Variants in THNSL1 observed in about 807,000 individuals in gnomAD.
THNSL1 encodes threonine synthase-like 1.
THNSL1 carries 48 observed loss-of-function variants against 50.4 expected under a neutral mutation model. That is an observed-to-expected ratio of 0.95 (90% CI 0.76 to 1.21). The LOEUF (loss-of-function observed/expected upper bound fraction) is 1.21, where lower values mean the gene tolerates loss of function less well. Ranked by LOEUF, THNSL1 falls within the 50% of genes most tolerant of loss-of-function variation. THNSL1 has a pLI of 0.00. For synonymous variants in THNSL1, 309 were observed against 306.1 expected (o/e 1.01, Z -0.10); for missense variants, 896 against 871.7 (o/e 1.03, Z -0.35).
chr10:24,997,781 C>CT, the THNSL1 span, among the ~76,000 whole-genome samples: 746 of 147,830 alleles, frequency 5.0e-3, 6 homozygotes, highest in African/African-American at 0.018. Flanking sequence ...AGGCTTCTTC[C>CT]TTTTTTCTTA....
chr10:25,014,963 A>G (rs757720633), upstream of THNSL1, among the ~76,000 whole-genome samples: 7 of 152,234 alleles, frequency 4.6e-5, no homozygotes, highest in Non-Finnish European at 8.8e-5. Flanking sequence ...ATGAAACTTT[A>G]TTCTAAAGTT....
At chr10:25,003,177 A>ATTTATTT in the THNSL1 span, among the ~76,000 whole-genome samples, 5 of 145,164 alleles carry the variant, frequency 3.4e-5, no homozygotes, top group African/African-American at 9.9e-5. Flanking sequence ...TTAATTAATT[A>ATTTATTT]ATTAATTTAT....
the THNSL1 span, among the ~76,000 whole-genome samples, chr10:24,969,694 A>T: frequency 1.3e-5 from 2 of 152,350 alleles, no homozygotes; most frequent in East Asian, 3.9e-4. Flanking sequence ...GATGAATTTT[A>T]TCACGTGGAA....
At chr10:25,020,408 C>G (rs1321043240) in intron 1 of THNSL1, among the ~76,000 whole-genome samples, 1 of 151,956 alleles carries the variant, frequency 6.6e-6, no homozygotes, top group African/African-American at 2.4e-5. Context: ...TGTTTCCTTA[C>G]AATCTACTTT....
chr10:25,001,244 A>T, the THNSL1 span, among the ~76,000 whole-genome samples: 1 of 151,934 alleles, frequency 6.6e-6, no homozygotes, highest in Non-Finnish European at 1.5e-5. Context: ...TCGTTTCTAA[A>T]GATAAATTTA....
chr10:24,968,187 T>G, the THNSL1 span, among the ~76,000 whole-genome samples: 1 of 152,138 alleles, frequency 6.6e-6, no homozygotes, highest in South Asian at 2.1e-4. Context: ...TACTTTTGAT[T>G]CTAATATAGG....
the THNSL1 span, among the ~76,000 whole-genome samples, chr10:24,965,960 A>G: frequency 6.6e-6 from 1 of 152,260 alleles, no homozygotes; most frequent in African/African-American, 2.4e-5. Flanking sequence ...TTCTTTAGTT[A>G]AATGATTTCT....
the THNSL1 span, chr10:24,999,687 C>T: frequency 1.3e-6 from 1 of 786,274 alleles, no homozygotes; most frequent in South Asian, 1.9e-5. Context: ...ACATACTTAC[C>T]TGAGCCCTGT....
the THNSL1 span, among the ~76,000 whole-genome samples, chr10:24,980,048 ACTAT>A: frequency 6.6e-6 from 1 of 152,214 alleles, no homozygotes; most frequent in Non-Finnish European, 1.5e-5. Flanking sequence ...GATCTGTGCC[ACTAT>A]CTTCTTTACC....
At chr10:24,972,024 C>G in the THNSL1 span, among the ~76,000 whole-genome samples, 1 of 151,454 alleles carries the variant, frequency 6.6e-6, no homozygotes, top group East Asian at 1.9e-4. Context: ...AACCCTGTCT[C>G]TACTAAAAAT....
At chr10:24,998,668 T>C in the THNSL1 span, among the ~76,000 whole-genome samples, 2 of 152,128 alleles carry the variant, frequency 1.3e-5, no homozygotes, top group Non-Finnish European at 2.9e-5. Context: ...CTTCCATACA[T>C]ACCTGTCACA....
At chr10:24,952,534 G>C in the THNSL1 span, 3 of 1,588,586 alleles carry the variant, frequency 1.9e-6, no homozygotes, top group Non-Finnish European at 2.6e-6. This position sits in a 1 kb window ranked among gnomAD's most constrained non-coding sequence, Gnocchi z 5.1. Context: ...TTACCACGAC[G>C]CCTCGCCCGT....
the THNSL1 span, among the ~76,000 whole-genome samples, chr10:24,968,603 C>T: frequency 0.031 from 4,731 of 152,266 alleles, 228 homozygotes; most frequent in African/African-American, 0.11. Context: ...CTCTTCTCCT[C>T]CTTTGTATGC....
At chr10:24,964,306 G>T in the THNSL1 span, among the ~76,000 whole-genome samples, 1 of 152,202 alleles carries the variant, frequency 6.6e-6, no homozygotes, top group Non-Finnish European at 1.5e-5. Context: ...AAATGAAAAT[G>T]TTAGGCTCAT....
chr10:24,956,467 T>TTA, the THNSL1 span, among the ~76,000 whole-genome samples: 2 of 148,754 alleles, frequency 1.3e-5, no homozygotes, highest in African/African-American at 5.0e-5. Flanking sequence ...TTTTATTTAT[T>TTA]TTTTTTTTTT....
the THNSL1 span, among the ~76,000 whole-genome samples, chr10:24,981,547 T>A: frequency 2.6e-5 from 4 of 152,206 alleles, no homozygotes; most frequent in Admixed American, 6.5e-5. Context: ...TGGGAAATTC[T>A]ATTGATGGTA....
At chr10:25,020,278 A>ATCTATATCTATATCTG (rs1169344482) in intron 1 of THNSL1, among the ~76,000 whole-genome samples, 1 of 148,846 alleles carries the variant, frequency 6.7e-6, no homozygotes, top group East Asian at 2.0e-4. Flanking sequence ...CTATATCTAT[A>ATCTATATCTATATCTG]TATATCTACC....
the THNSL1 span, among the ~76,000 whole-genome samples, chr10:24,970,179 A>G: frequency 6.6e-6 from 1 of 152,256 alleles, no homozygotes; most frequent in African/African-American, 2.4e-5. Flanking sequence ...GATGGGCTGC[A>G]TATTTTAGAA....
At chr10:24,964,335 C>T in the THNSL1 span, among the ~76,000 whole-genome samples, 121 of 152,258 alleles carry the variant, frequency 7.9e-4, 1 homozygote, top group East Asian at 0.015. Flanking sequence ...GACCCGTAGA[C>T]AGTAGGTCTG....
Sources: gnomAD v4.1 joint callset for allele counts (sites outside exome capture counted in the v4.1 genomes callset) on GRCh38, gnomAD v4.1.1 for gene constraint, Gnocchi (gnomAD v3.1) non-coding constraint, MANE v1.5 for transcripts, NCBI Gene and HGNC (gene_info 2026-07-23, HGNC 2026-07-21) for gene names.